The following RBFOX1 variants were observed in gnomAD, a reference collection of about 807,000 sequenced individuals.
RBFOX1 encodes RNA binding fox-1 homolog 1, also known as RNA binding protein fox-1 homolog 1.
Under a neutral mutation model 57.7 loss-of-function variants are expected in RBFOX1, and 8 were observed. The ratio of observed to expected loss-of-function variants is 0.14; its 90% CI spans 0.08 to 0.25. The LOEUF (loss-of-function observed/expected upper bound fraction) is 0.25. Ranked by LOEUF, RBFOX1 falls within the 10% of genes least tolerant of loss-of-function variation. RBFOX1 has a pLI of 1.00. For synonymous variants in RBFOX1, 326 were observed against 222.4 expected (o/e 1.47, Z -4.15); for missense variants, 611 against 548.5 (o/e 1.11, Z -1.14).
chr16:6,977,425 C>T (rs1044613077), intron 3 of RBFOX1, among the ~76,000 whole-genome samples: 2 of 152,084 alleles, frequency 1.3e-5, no homozygotes, highest in Non-Finnish European at 2.9e-5. Context: ...ACATTATTTA[C>T]TTGTTCCCTT....
chr16:6,912,099 C>T lies in RBFOX1; in HGVS notation c.-15-139958C>T, dbSNP rs748817890. Among the ~76,000 whole-genome samples the T allele has an allele frequency of 2.0e-5, 3 of 152,244 alleles. No individual in the cohort carries two copies. In the East Asian group the frequency reaches 5.8e-4, roughly 29 times the overall value. On this transcript the variant is annotated intron_variant, in intron 3 of 15. Coordinates refer to ENST00000550418, the MANE Select transcript of RBFOX1 (RefSeq NM_018723.4). Reference sequence around the variant, plus strand: ...AAATATGCTGTTGCTTTTTTTAGCTCTATCATTTATACTTACTAGTATTTC... The same window carrying T: ...AAATATGCTGTTGCTTTTTTTAGCTTTATCATTTATACTTACTAGTATTTC...
At chr16:7,028,284 A>G (rs189874944) in intron 3 of RBFOX1, among the ~76,000 whole-genome samples, 5 of 152,240 alleles carry the variant, frequency 3.3e-5, no homozygotes, top group Non-Finnish European at 5.9e-5. Flanking sequence ...AAATTGGCAC[A>G]CAGTTCATGC....
chr16:6,046,378 G>A (rs1410197612), intron 1 of RBFOX1, among the ~76,000 whole-genome samples: 2 of 152,166 alleles, frequency 1.3e-5, no homozygotes, highest in African/African-American at 4.8e-5. Context: ...GAGGATAGCT[G>A]AAGATCTAAT....
At chr16:6,745,779 G>A (rs1393055148) in intron 3 of RBFOX1, among the ~76,000 whole-genome samples, 1 of 152,094 alleles carries the variant, frequency 6.6e-6, no homozygotes, top group Non-Finnish European at 1.5e-5. Context: ...CAGTATTTTA[G>A]CCAGTGATAA....
intron 3 of RBFOX1, among the ~76,000 whole-genome samples, chr16:7,051,594 G>T (rs926807841): frequency 6.6e-6 from 1 of 152,204 alleles, no homozygotes; most frequent in Admixed American, 6.5e-5. Flanking sequence ...ATGTAACCCA[G>T]TTGCCAAGGC....
chr16:7,348,773 C>G (rs1022496642), intron 4 of RBFOX1, among the ~76,000 whole-genome samples: 1 of 152,106 alleles, frequency 6.6e-6, no homozygotes, highest in Admixed American at 6.6e-5. Context: ...GAAACTTCAT[C>G]TCTACTAAAA....
chr16:6,794,934 C>G (rs1242237449), intron 3 of RBFOX1, among the ~76,000 whole-genome samples: 1 of 152,082 alleles, frequency 6.6e-6, no homozygotes, highest in South Asian at 2.1e-4. Context: ...AAACTGAGAC[C>G]TCAAATATTG....
chr16:6,210,349 A>AC (rs1182604723), intron 1 of RBFOX1, among the ~76,000 whole-genome samples: 24,568 of 77,484 alleles, frequency 0.32, 3,780 homozygotes, highest in East Asian at 0.46. Context: ...AAAAAACAAA[A>AC]AAAAAAAACA....
chr16:7,479,259 G>C lies in RBFOX1; in HGVS notation c.28-38888G>C, dbSNP rs113928240. Among the ~76,000 whole-genome samples, 521 of 152,066 alleles carry C rather than the reference G, an allele frequency of 3.4e-3. 5 individuals carry two copies. Among genetic ancestry groups the C allele is most frequent in the African/African-American group, 0.012 (489 of 41,488 alleles). On this transcript the variant is annotated intron_variant, in intron 4 of 15. Transcript: ENST00000550418. ...CTGCCTCAGCCTCCCGAGTCGCTGGGATTACAGGCATGCACCACCACACTG... is the reference window on the plus strand; with the variant it reads ...CTGCCTCAGCCTCCCGAGTCGCTGGCATTACAGGCATGCACCACCACACTG...
intron 1 of RBFOX1, among the ~76,000 whole-genome samples, chr16:6,067,764 C>G (rs1055977043): frequency 1.3e-5 from 2 of 152,134 alleles, no homozygotes; most frequent in African/African-American, 4.8e-5. Flanking sequence ...ATATAAAAAG[C>G]TCATTACCTA....
intron 4 of RBFOX1, among the ~76,000 whole-genome samples, chr16:7,149,523 A>G (rs549329516): frequency 3.6e-4 from 44 of 123,502 alleles, no homozygotes; most frequent in African/African-American, 1.3e-3. Flanking sequence ...GTCTCATTCT[A>G]TCACCCAGCT....
intron 4 of RBFOX1, among the ~76,000 whole-genome samples, chr16:7,167,208 A>G (rs953732303): frequency 3.2e-4 from 48 of 150,610 alleles, no homozygotes; most frequent in Non-Finnish European, 6.9e-4. Flanking sequence ...CTGGTCTCAA[A>G]CTCCTGACCT....
intron 4 of RBFOX1, among the ~76,000 whole-genome samples, chr16:7,335,582 A>C (rs1397460641): frequency 9.8e-6 from 1 of 102,220 alleles, no homozygotes; most frequent in Admixed American, 9.3e-5. Flanking sequence ...GCCTCAGATA[A>C]AGAAAAAAAA....
Position 6,966,839 on chromosome 16 carries a change from C to G in RBFOX1, c.-15-85218C>G, listed in dbSNP as rs544219845. ...TCTGTCTATCTATCTGTCTATCTATCTATCCATCCATCTATCCACACATCC... is the reference window on the plus strand; with the variant it reads ...TCTGTCTATCTATCTGTCTATCTATGTATCCATCCATCTATCCACACATCC... On this transcript the variant is annotated intron_variant, in intron 3 of 15. Transcript: ENST00000550418. Among the ~76,000 whole-genome samples, 19 of 151,996 alleles carry G rather than the reference C, an allele frequency of 1.3e-4. 1 individual carries two copies. The highest frequency in any genetic ancestry group is 4.1e-4 in the African/African-American group (17 of 41,350).
intron 2 of RBFOX1, among the ~76,000 whole-genome samples, chr16:6,506,968 G>T (rs1356492880): frequency 6.6e-6 from 1 of 152,110 alleles, no homozygotes; most frequent in Non-Finnish European, 1.5e-5. Flanking sequence ...CTAATCTTTA[G>T]TGTGGGATTT....
At chr16:6,948,454 C>G (rs1195128084) in intron 3 of RBFOX1, among the ~76,000 whole-genome samples, 1 of 127,018 alleles carries the variant, frequency 7.9e-6, no homozygotes, top group Non-Finnish European at 1.6e-5. Flanking sequence ...TTTATCTCGG[C>G]TCACTACAAC....
At chr16:5,586,677 C>A (rs781446284) in intron 2 of RBFOX1, among the ~76,000 whole-genome samples, 6 of 152,054 alleles carry the variant, frequency 3.9e-5, no homozygotes, top group African/African-American at 7.2e-5. Flanking sequence ...ATTTTTTCTG[C>A]CTGTAGAGAG....
chr16:6,841,129 C>T (rs181401732), intron 3 of RBFOX1, among the ~76,000 whole-genome samples: 1 of 151,844 alleles, frequency 6.6e-6, no homozygotes, highest in African/African-American at 2.4e-5. Context: ...GCTTAAGTTC[C>T]TTGTACACTC....
intron 4 of RBFOX1, among the ~76,000 whole-genome samples, chr16:7,225,983 C>T (rs140560526): frequency 4.6e-5 from 7 of 151,056 alleles, no homozygotes; most frequent in East Asian, 3.9e-4. Context: ...GACCAAATGG[C>T]GATGCTCTAA....
Sources: allele counts gnomAD v4.1 joint callset (sites outside exome capture counted in the v4.1 genomes callset), GRCh38; gene constraint gnomAD v4.1.1; transcripts MANE v1.5; gene names NCBI Gene and HGNC (gene_info 2026-07-23, HGNC 2026-07-21).